Variants in TCIRG1 observed in about 807,000 individuals in gnomAD.
TCIRG1 encodes T cell immune regulator 1, ATPase H+ transporting V0 subunit a3, also known as V-type proton ATPase 116 kDa subunit a 3.
In TCIRG1, 86 loss-of-function variants were observed where a neutral mutation model predicts 95.5. The ratio of observed to expected loss-of-function variants is 0.90; its 90% confidence interval spans 0.76 to 1.08. The LOEUF (loss-of-function observed/expected upper bound fraction) is 1.08. Among genes scored for constraint, TCIRG1 ranks in the 50% least tolerant of loss-of-function variants. TCIRG1 has a pLI of 0.00. For missense variants in TCIRG1, 1,069 were observed against 1,140.2 expected (o/e 0.94, Z 0.90); for synonymous variants, 499 against 501.3 (o/e 1.00, Z 0.06).
Position 68,041,248 on chromosome 11 carries a change from C to T in TCIRG1, c.-4-20C>T. On this transcript the variant is annotated intron_variant, in intron 1 of 19. Transcript: ENST00000265686. ...TCTGTGGTCTGCCCCTGACTGGCCC[C>T]CATCCGTGTCCACCCACAGGACCAT... 6.4e-7 allele frequency: 1 copy of T among 1,554,218 alleles called. No homozygotes were observed. The highest frequency in any genetic ancestry group is 2.2e-5 in the East Asian group (1 of 44,584).
At chr11:68,044,739 C>T (rs1855384464) in intron 9 of TCIRG1, 1 of 637,836 alleles carries the variant, frequency 1.6e-6, no homozygotes, top group East Asian at 2.8e-5. Context: ...CCCTAGGAGG[C>T]AGCATGCTTG....
chr11:68,051,033 A>G (rs183114887), downstream of TCIRG1: 112 of 621,054 alleles, frequency 1.8e-4, 1 homozygote, highest in African/African-American at 2.0e-3. Flanking sequence ...TTGGGGTGAA[A>G]AGGGGCAGAA....
chr11:68,044,471 C>A, intron 9 of TCIRG1, 127 bp downstream of exon 9: 1 of 776,908 alleles, frequency 1.3e-6, no homozygotes, highest in Non-Finnish European at 2.1e-6. Flanking sequence ...CTCCTCCCAG[C>A]CTCCTCCATG....
chr11:68,050,407 G>A, intron 18 of TCIRG1, 80 bp from the exon 19 acceptor site: 1 of 1,610,268 alleles, frequency 6.2e-7, no homozygotes, highest in Non-Finnish European at 8.5e-7. Context: ...GTGCAGGGAG[G>A]GCTTCAGGCT....
At chr11:68,046,761 C>T (rs979185310) in intron 10 of TCIRG1, among the ~76,000 whole-genome samples, 4 of 152,304 alleles carry the variant, frequency 2.6e-5, no homozygotes, top group East Asian at 1.9e-4. Context: ...CTCGGCCTCC[C>T]GGAACTTGCC....
chr11:68,041,708 T>C (rs1385798958), intron 2 of TCIRG1, 45 bp from the exon 3 acceptor site: 2 of 1,527,846 alleles, frequency 1.3e-6, no homozygotes, highest in East Asian at 4.7e-5. Flanking sequence ...AGGAGCTCCC[T>C]GACCCCCTTC....
chr11:68,048,305 A>C (rs1422504555), intron 13 of TCIRG1: 7 of 404,750 alleles, frequency 1.7e-5, no homozygotes, highest in Non-Finnish European at 2.8e-5. Context: ...TCTTTTTTTT[A>C]TTTTTGGATA....
At chr11:68,053,065 A>C (rs893787426), downstream of TCIRG1, 10 of 152,524 alleles carry the variant, frequency 6.6e-5, no homozygotes, top group African/African-American at 2.4e-4. Flanking sequence ...AAGAATGATG[A>C]TGTCAGGGGC....
chr11:68,043,862 CG>C lies in TCIRG1; in HGVS notation c.766del (p.Ala256ProfsTer23). The C allele has an allele frequency of 6.4e-7, 1 of 1,569,324 alleles. No homozygotes were observed. Reference protein sequence around the residue: ...PFLQQEEARLGALQQLQQQSQ... With the variant: ...PFLQQEEARLXALQQLQQQSQ... ...TTCTGCAGCAGGAGGAGGCCCGCCT[CG>C]GGGCCCTGCAGCAGCTGCAACAGCA... is the stretch of plus-strand genomic sequence containing the variant. On this transcript the variant is annotated frameshift_variant, in exon 8 of 20. Coordinates refer to ENST00000265686, the MANE Select transcript of TCIRG1 (RefSeq NM_006019.4). LOFTEE classifies it high-confidence loss of function.
Position 68,047,700 on chromosome 11 carries a change from C to G in TCIRG1, c.1359C>G (p.Phe453Leu). 6.2e-7 allele frequency: 1 copy of G among 1,613,592 alleles called. No homozygotes were observed. Among genetic ancestry groups the G allele is most frequent in the Non-Finnish European group, 8.5e-7 (1 of 1,180,016 alleles). ...ACCTGCTCCTGCTTATGGGCCTGTT[C>G]TCCATCTACACCGGCTTCATCTACA... ...GRYLLLLMGL[F>L]SIYTGFIYNE... The change falls in exon 12 of 20, where the codon TTC becomes TTG. Residue 453 changes from phenylalanine (F) to leucine (L), a missense_variant. Phe to Leu is a conservative substitution (Grantham distance 22). Coordinates refer to ENST00000265686, the MANE Select transcript of TCIRG1 (RefSeq NM_006019.4).
At chr11:68,044,731 C>G in intron 9 of TCIRG1, 2 of 630,654 alleles carry the variant, frequency 3.2e-6, no homozygotes, top group Admixed American at 2.7e-5. Flanking sequence ...TGGGCCGTCC[C>G]TAGGAGGCAG....
rs373493580 is a variant in TCIRG1, at chr11:68,049,994, T to C, written c.2046T>C (p.Pro682=). 81 of 1,612,838 alleles carry C rather than the reference T, an allele frequency of 5.0e-5. No individual in the cohort carries two copies. The African/African-American group carries it at 6.9e-4, about 14-fold the overall frequency. ...EENKAGLLDL[P]DASVNGWSSD... ...ACAAGGCCGGGTTGCTGGACCTGCC[T>C]GACGCATCTGTGAATGGCTGGAGCT... Residue 682 remains proline (P), a synonymous_variant, in exon 17 of 20, where the codon CCT becomes CCC. Transcript: ENST00000265686.
Position 68,043,956 on chromosome 11 carries a change from C to T in TCIRG1, c.807+49C>T, listed in dbSNP as rs370873823. 194 of 1,445,118 alleles carry T rather than the reference C, an allele frequency of 1.3e-4. No individual in the cohort carries two copies. In the African/African-American group the frequency reaches 2.4e-3, roughly 18 times the overall value. 89.5% of individuals were successfully genotyped at this position (1,445,118 alleles called of 1,614,324 possible). A position where few individuals can be genotyped will look rare whatever the true frequency, so the allele number is the denominator to read the frequency against. On this transcript the variant is annotated intron_variant, in intron 8 of 19. Transcript: ENST00000265686. ...GGCGGGTGTAGGAGGTGGGTGCCCC[C>T]GGCCTCCCGGAGGTGGGTGCAGGAG...
At chr11:68,051,916 G>A (rs868470972), downstream of TCIRG1, among the ~76,000 whole-genome samples, 26 of 152,264 alleles carry the variant, frequency 1.7e-4, 1 homozygote, top group Middle Eastern at 6.8e-3. Flanking sequence ...TGATTTAGGA[G>A]GGGTGCAGTG....
Position 68,047,799 on chromosome 11 carries a change from C to G in TCIRG1, c.1458C>G (p.Gly486=). The G allele has an allele frequency of 6.2e-7, 1 of 1,612,858 alleles. No individual in the cohort carries two copies. The highest frequency in any genetic ancestry group is 8.5e-7 in the Non-Finnish European group (1 of 1,179,730). ...WSVAAMANQS[G]WSDAFLAQHT... The stretch of plus-strand genomic sequence containing the variant: ...TGGCCGCCATGGCCAACCAGTCTGG[C>G]TGGAGGTGAGGCCCGGGCCCCAGCC... Residue 486 remains glycine (G), a synonymous_variant, in exon 12 of 20, where the codon GGC becomes GGG. Transcript: ENST00000265686.
rs1259963151 is a variant in TCIRG1, at chr11:68,050,824, C to T, written c.*5C>T. On this transcript the variant is annotated 3_prime_UTR_variant, in exon 20 of 20. Coordinates refer to ENST00000265686, the MANE Select transcript of TCIRG1 (RefSeq NM_006019.4). ...TTCGCTGCCACAGATGACTAGGGCC[C>T]ACTGCAGGTCCTGCCAGACCTCCTT... The T allele has an allele frequency of 6.2e-7, 1 of 1,612,850 alleles. No homozygotes were observed. The highest frequency in any genetic ancestry group is 8.5e-7 in the Non-Finnish European group (1 of 1,179,954).
rs1390382534 is a variant in TCIRG1, at chr11:68,044,191, G to T, written c.867G>T (p.Leu289=). Residue 289 remains leucine (L), a synonymous_variant, in exon 9 of 20, where the codon CTG becomes CTT. Transcript: ENST00000265686. Reference sequence around the variant, plus strand: ...TGCTAGGCCGGGTGCTGCAGCTGCTGCCGCCAGGGCAGGTGCAGGTCCACA... The same window carrying T: ...TGCTAGGCCGGGTGCTGCAGCTGCTTCCGCCAGGGCAGGTGCAGGTCCACA... ...SQVLGRVLQL[L]PPGQVQVHKM... 6.4e-7 allele frequency: 1 copy of T among 1,557,734 alleles called. No individual in the cohort carries two copies.
In TCIRG1 at chr11:68,047,798, G is replaced by T. The variant is rs748776167; in HGVS notation, c.1457G>T (p.Gly486Val). ...WSVAAMANQS[G>V]WSDAFLAQHT... is the part of the protein sequence containing the mutation. The stretch of plus-strand genomic sequence containing the variant: ...GTGGCCGCCATGGCCAACCAGTCTG[G>T]CTGGAGGTGAGGCCCGGGCCCCAGC... Residue 486 changes from glycine (G) to valine (V), a missense_variant, in exon 12 of 20, where the codon GGC becomes GTC. By Grantham distance (109) the Gly-to-Val change is moderately radical. Transcript: ENST00000265686. The T allele has an allele frequency of 1.2e-6, 2 of 1,612,696 alleles. No individual in the cohort carries two copies. The highest frequency in any genetic ancestry group is 2.7e-5 in the African/African-American group (2 of 74,908).
At chr11:68,047,101 C>T in intron 10 of TCIRG1, 1 of 391,902 alleles carries the variant, frequency 2.6e-6, no homozygotes, top group Non-Finnish European at 4.9e-6. Flanking sequence ...ACCTCCGCCT[C>T]CCGGGTTCAA....
Sources: gnomAD v4.1 joint callset for allele counts (sites outside exome capture counted in the v4.1 genomes callset) on GRCh38, gnomAD v4.1.1 for gene constraint, MANE v1.5 for transcripts, NCBI Gene and HGNC (gene_info 2026-07-23, HGNC 2026-07-21) for gene names.